GABRA2: variants seen among roughly 807,000 people sequenced by gnomAD.
GABRA2 encodes the protein gamma-aminobutyric acid type A receptor subunit alpha2.
In GABRA2, 16 loss-of-function variants were observed where a neutral mutation model predicts 48.7. That is an observed-to-expected ratio of 0.33 (90% CI 0.22 to 0.50). GABRA2 has a LOEUF of 0.50. GABRA2 is among the 20% of genes least tolerant of loss of function. The pLI is 0.98. For missense variants in GABRA2, 275 were observed against 535.6 expected (o/e 0.51, Z 4.80); for synonymous variants, 185 against 184.5 (o/e 1.00, Z -0.02).
intron 6 of GABRA2, among the ~76,000 whole-genome samples, chr4:46,307,318 A>G (rs938133055): frequency 6.6e-6 from 1 of 152,046 alleles, no homozygotes; most frequent in Non-Finnish European, 1.5e-5. Flanking sequence ...ATGAATACAT[A>G]TTCTGGCGCT....
chr4:46,257,186 T>A (rs550058638), intron 9 of GABRA2, among the ~76,000 whole-genome samples: 2 of 151,820 alleles, frequency 1.3e-5, no homozygotes, highest in South Asian at 2.1e-4. Context: ...AAATAATTTG[T>A]ACCAAATGGT....
intron 1 of GABRA2, 116 bp from the exon 2 acceptor site, chr4:46,388,832 G>A: frequency 6.6e-7 from 1 of 1,525,294 alleles, no homozygotes. Context: ...AAGCTATGGA[G>A]ATTACTTCCT....
At chr4:46,262,818 A>G (rs765656748) in intron 8 of GABRA2, among the ~76,000 whole-genome samples, 1 of 151,860 alleles carries the variant, frequency 6.6e-6, no homozygotes, top group Non-Finnish European at 1.5e-5. Context: ...AGTTGCTTAA[A>G]CCCAGGAGAC....
intron 3 of GABRA2, among the ~76,000 whole-genome samples, chr4:46,348,539 C>T (rs1235799680): frequency 2.4e-4 from 37 of 151,740 alleles, no homozygotes; most frequent in Admixed American, 2.6e-4. Context: ...TGTCCAACAA[C>T]GATAGACTGG....
Position 46,297,019 on chromosome 4 carries a change from T to C in GABRA2, c.856+6441A>G, listed in dbSNP as rs991107602. ...AGGTGTAATTATGACCTTATTATTG[T>C]CTTTATTTGAAGACTATGTATGATC... On this transcript the variant is annotated intron_variant, in intron 8 of 9. Coordinates refer to ENST00000381620, the MANE Select transcript of GABRA2 (RefSeq NM_000807.4). 2.6e-5 allele frequency among the ~76,000 whole-genome samples: 4 copies of C among 152,290 alleles called. No homozygotes were observed. In the South Asian group the frequency reaches 6.2e-4, roughly 24 times the overall value.
intron 9 of GABRA2, among the ~76,000 whole-genome samples, chr4:46,255,773 A>T (rs149477963): frequency 3.3e-5 from 5 of 151,754 alleles, no homozygotes; most frequent in Admixed American, 6.6e-5. Flanking sequence ...TACAGAAATT[A>T]AAATGTCTTA....
At chr4:46,389,185 G>A in intron 1 of GABRA2, 1 of 988,204 alleles carries the variant, frequency 1.0e-6, no homozygotes, top group Non-Finnish European at 1.2e-6. Flanking sequence ...AACCACAGCG[G>A]GAAAAGCTAG....
intron 8 of GABRA2, among the ~76,000 whole-genome samples, chr4:46,273,520 T>TATATATGC (rs1719880141): frequency 2.6e-5 from 1 of 38,980 alleles, no homozygotes; most frequent in African/African-American, 8.6e-5. Flanking sequence ...TATATATATA[T>TATATATGC]ATATATATAT....
At chr4:46,301,516 G>T (rs772647140) in intron 8 of GABRA2, among the ~76,000 whole-genome samples, 6 of 152,058 alleles carry the variant, frequency 3.9e-5, no homozygotes, top group Non-Finnish European at 7.4e-5. Flanking sequence ...TGTCTCCACT[G>T]CCACTGAAAC....
In GABRA2 at chr4:46,250,331, G is replaced by GT. The variant is rs1310549976; in HGVS notation, c.1332dup (p.Pro445ThrfsTer10). Reference sequence around the variant, plus strand: ...ATTCAAGGACTGACCCCTAATACAGGTTCTCTGTTTAAATATGTAGCCCAG... The same window carrying GT: ...ATTCAAGGACTGACCCCTAATACAGGTTTCTCTGTTTAAATATGTAGCCCAG... On this transcript the variant is annotated frameshift_variant, in exon 10 of 10. Transcript: ENST00000381620. LOFTEE classifies it high-confidence loss of function. The GT allele has an allele frequency of 6.2e-7, 1 of 1,610,424 alleles. No individual in the cohort carries two copies.
At chr4:46,387,241 A>G (rs1215081856) in intron 2 of GABRA2, among the ~76,000 whole-genome samples, 1 of 152,190 alleles carries the variant, frequency 6.6e-6, no homozygotes, top group Non-Finnish European at 1.5e-5. Flanking sequence ...ATGGTTAAAC[A>G]CTGAGATTTT....
At chr4:46,266,498 G>A (rs1414366038) in intron 8 of GABRA2, among the ~76,000 whole-genome samples, 1 of 150,660 alleles carries the variant, frequency 6.6e-6, no homozygotes, top group African/African-American at 2.4e-5. Context: ...TGCTAATCAT[G>A]TTGAGGATCC....
chr4:46,273,400 G>GTGTGTA (rs1553901983), intron 8 of GABRA2, among the ~76,000 whole-genome samples: 1 of 145,046 alleles, frequency 6.9e-6, no homozygotes, highest in Non-Finnish European at 1.5e-5. Context: ...GTGTGTGTGT[G>GTGTGTA]TGTATGTGTA....
intron 3 of GABRA2, among the ~76,000 whole-genome samples, chr4:46,374,480 T>C (rs1177343224): frequency 1.3e-5 from 2 of 152,154 alleles, no homozygotes; most frequent in Non-Finnish European, 2.9e-5. Flanking sequence ...ATAACGTATT[T>C]TGTAATACTA....
rs559470145 is a variant in GABRA2 at position 46,325,683 on chromosome 4, T to G, written c.255+6932A>C. On this transcript the variant is annotated intron_variant, in intron 4 of 9. Coordinates refer to ENST00000381620, the MANE Select transcript of GABRA2 (RefSeq NM_000807.4). ...GGTTCAGAATGGCATTTCCTAGGTT[T>G]TCTTCTAGGATTCTTATAGGTTGGG... 2.0e-5 allele frequency among the ~76,000 whole-genome samples: 3 copies of G among 152,118 alleles called. No individual in the cohort carries two copies. In the South Asian group the frequency reaches 6.2e-4, roughly 32 times the overall value.
At chr4:46,284,999 C>T (rs1303923220) in intron 8 of GABRA2, among the ~76,000 whole-genome samples, 2 of 120,316 alleles carry the variant, frequency 1.7e-5, no homozygotes, top group African/African-American at 6.5e-5. Context: ...AACTTCTATG[C>T]AATAATCCAA....
At chr4:46,363,819 G>A (rs1713608261) in intron 3 of GABRA2, 1 of 152,110 alleles carries the variant, frequency 6.6e-6, no homozygotes, top group African/African-American at 2.4e-5. Context: ...ATTTTGGAAT[G>A]TGTAGTTTTA....
intron 8 of GABRA2, among the ~76,000 whole-genome samples, chr4:46,293,869 A>G (rs1724147555): frequency 6.6e-6 from 1 of 152,218 alleles, no homozygotes; most frequent in African/African-American, 2.4e-5. Flanking sequence ...GCCTGTGCAG[A>G]AGACAGATGG....
chr4:46,331,092 A>G (rs1731272627), intron 4 of GABRA2, among the ~76,000 whole-genome samples: 1 of 152,182 alleles, frequency 6.6e-6, no homozygotes, highest in African/African-American at 2.4e-5. Flanking sequence ...AGGTCAAAAT[A>G]TACAATAATG....
Sources: allele counts gnomAD v4.1 joint callset (sites outside exome capture counted in the v4.1 genomes callset), GRCh38; gene constraint gnomAD v4.1.1; transcripts MANE v1.5; gene names NCBI Gene and HGNC (gene_info 2026-07-23, HGNC 2026-07-21).